SMIM13: variants seen among roughly 807,000 people sequenced by gnomAD.
SMIM13 encodes the protein UPF0766 protein C6orf228.
Under a neutral mutation model 5.9 loss-of-function variants are expected in SMIM13, and 3 were observed. The observed-to-expected ratio is 0.51, with a 90% CI of 0.23 to 1.31. SMIM13 has a LOEUF of 1.31. Ranked by LOEUF, SMIM13 falls within the 40% of genes most tolerant of loss-of-function variation. SMIM13 has a pLI of 0.18. For synonymous variants in SMIM13, 55 were observed against 46.0 expected (o/e 1.19, Z -0.79); for missense variants, 85 against 109.9 (o/e 0.77, Z 1.01).
At chr6:11,122,791 T>G (rs998856822) in intron 1 of SMIM13, among the ~76,000 whole-genome samples, 16 of 152,264 alleles carry the variant, frequency 1.1e-4, no homozygotes, top group Admixed American at 2.6e-4. Flanking sequence ...GGTTTTTTTT[T>G]GGGGTGGCTC....
intron 1 of SMIM13, among the ~76,000 whole-genome samples, chr6:11,118,713 C>G (rs1168667482): frequency 1.3e-5 from 2 of 152,152 alleles, no homozygotes; most frequent in African/African-American, 2.4e-5. Flanking sequence ...TGGTAGTAGT[C>G]TCATATCTGT....
intron 1 of SMIM13, 107 bp from the exon 2 acceptor site, chr6:11,134,296 A>G: frequency 1.5e-6 from 1 of 683,530 alleles, no homozygotes; most frequent in Non-Finnish European, 2.4e-6. Context: ...GTAATTATGT[A>G]TATTTTTATA....
intron 1 of SMIM13, among the ~76,000 whole-genome samples, chr6:11,117,430 C>T (rs1201499922): frequency 6.6e-6 from 1 of 151,556 alleles, no homozygotes; most frequent in Admixed American, 6.6e-5. Context: ...CTGCCTTGGC[C>T]TCCCAAGGTG....
Position 11,094,406 on chromosome 6 carries a change from G to T in SMIM13, c.76+17G>T, listed in dbSNP as rs1404893311. On this transcript the variant is annotated intron_variant, in intron 1 of 1. Coordinates refer to ENST00000416247, the MANE Select transcript of SMIM13 (RefSeq NM_001135575.2). ...TGGTGTGCGGTGAGTGGGGGCGGTA[G>T]CCGCGAGGCAGTTCCACACGCCGGG... 1.3e-6 allele frequency: 2 copies of T among 1,531,474 alleles called. No homozygotes were observed. Among genetic ancestry groups the T allele is most frequent in the South Asian group, 1.2e-5 (1 of 83,474 alleles). The allele number at this position is 1,531,474 out of a possible 1,614,324, so 94.9% of individuals were successfully genotyped here.
intron 1 of SMIM13, among the ~76,000 whole-genome samples, chr6:11,109,769 G>A (rs951123569): frequency 3.3e-5 from 5 of 152,140 alleles, no homozygotes; most frequent in African/African-American, 9.7e-5. Context: ...GGGTTTGGGA[G>A]TCAAACTTTT....
At chr6:11,127,559 G>A (rs1581920727) in intron 1 of SMIM13, among the ~76,000 whole-genome samples, 2 of 152,354 alleles carry the variant, frequency 1.3e-5, no homozygotes, top group South Asian at 4.1e-4. Context: ...GGCTGGGGAA[G>A]ACTCACAATT....
At chr6:11,097,751 C>T (rs994284151) in intron 1 of SMIM13, among the ~76,000 whole-genome samples, 5 of 152,002 alleles carry the variant, frequency 3.3e-5, no homozygotes, top group African/African-American at 1.2e-4. Context: ...TTGGATGGCA[C>T]ACGATTCACT....
At chr6:11,105,910 G>C (rs951917844) in intron 1 of SMIM13, among the ~76,000 whole-genome samples, 1 of 152,172 alleles carries the variant, frequency 6.6e-6, no homozygotes, top group African/African-American at 2.4e-5. Flanking sequence ...AGCCTTGAAG[G>C]GGCTTAATTG....
intron 1 of SMIM13, among the ~76,000 whole-genome samples, chr6:11,125,313 AG>A (rs1339213075): frequency 7.7e-6 from 1 of 129,318 alleles, no homozygotes; most frequent in African/African-American, 2.9e-5. Flanking sequence ...AAAAAAAAAA[AG>A]GCCTGGTGTG....
chr6:11,133,090 A>G (rs767974684), intron 1 of SMIM13, among the ~76,000 whole-genome samples: 1 of 152,192 alleles, frequency 6.6e-6, no homozygotes, highest in Non-Finnish European at 1.5e-5. Context: ...CTTTGTGAAT[A>G]TTCTGTCAGA....
chr6:11,128,872 A>AT (rs1028961277), intron 1 of SMIM13, among the ~76,000 whole-genome samples: 1 of 151,982 alleles, frequency 6.6e-6, no homozygotes, highest in Non-Finnish European at 1.5e-5. Context: ...AGGCATACAG[A>AT]TTCTCTTTCC....
intron 1 of SMIM13, among the ~76,000 whole-genome samples, chr6:11,097,187 G>A (rs1018977681): frequency 6.6e-6 from 1 of 152,168 alleles, no homozygotes; most frequent in African/African-American, 2.4e-5. Flanking sequence ...TCAGAGATCA[G>A]CAGGGTTGAT....
At chr6:11,103,781 A>G in intron 1 of SMIM13, 1 of 1,551,700 alleles carries the variant, frequency 6.4e-7, no homozygotes, top group Non-Finnish European at 8.7e-7. Context: ...GAGAGGAGAC[A>G]AATTGGGTTA....
At chr6:11,100,814 A>T (rs1222563249) in intron 1 of SMIM13, among the ~76,000 whole-genome samples, 2 of 152,246 alleles carry the variant, frequency 1.3e-5, no homozygotes, top group South Asian at 4.1e-4. Flanking sequence ...GTATTGAAAA[A>T]TTTATTGCCT....
chr6:11,125,934 A>C (rs945347988), intron 1 of SMIM13, among the ~76,000 whole-genome samples: 1 of 151,700 alleles, frequency 6.6e-6, no homozygotes, highest in African/African-American at 2.4e-5. Context: ...CTCTCTCTCT[A>C]CCTCCTCTTT....
rs1757891948 is a variant in SMIM13, at chr6:11,094,266, C to A, written c.-48C>A. On this transcript the variant is annotated 5_prime_UTR_variant, in exon 1 of 2. Transcript: ENST00000416247. ...AGGACGCGCCGCCGCCCGCGCTCAC[C>A]GCCGTCCGCGCCAGCCGCCCCGAGC... The A allele has an allele frequency of 8.0e-7, 1 of 1,250,408 alleles. No homozygotes were observed. Among genetic ancestry groups the A allele is most frequent in the Non-Finnish European group, 1.0e-6 (1 of 962,332 alleles). The allele number at this position is 1,250,408 out of a possible 1,614,324, so 77.5% of individuals were successfully genotyped here. A position where few individuals can be genotyped will look rare whatever the true frequency, so the allele number is the denominator to read the frequency against.
At chr6:11,096,919 A>G (rs1221433997) in intron 1 of SMIM13, among the ~76,000 whole-genome samples, 4 of 152,052 alleles carry the variant, frequency 2.6e-5, no homozygotes, top group African/African-American at 9.7e-5. Context: ...TCGAACTCCC[A>G]ACCTCAGGTG....
At chr6:11,094,454 T>G (rs1425781685) in intron 1 of SMIM13, 65 bp downstream of exon 1, 6 of 1,315,078 alleles carry the variant, frequency 4.6e-6, no homozygotes, top group Admixed American at 2.2e-5. Flanking sequence ...TGGGGTTTTT[T>G]TTGTTGTTTG....
At chr6:11,123,545 G>A (rs995124352) in intron 1 of SMIM13, among the ~76,000 whole-genome samples, 1 of 152,198 alleles carries the variant, frequency 6.6e-6, no homozygotes, top group Admixed American at 6.5e-5. Flanking sequence ...TTAGCAGCAA[G>A]GAGTGTGGCA....
Sources: gnomAD v4.1 joint callset for allele counts (sites outside exome capture counted in the v4.1 genomes callset) on GRCh38, gnomAD v4.1.1 for gene constraint, MANE v1.5 for transcripts, NCBI Gene and HGNC (gene_info 2026-07-23, HGNC 2026-07-21) for gene names.